Variants in MTDH observed in about 807,000 individuals in gnomAD.
The protein encoded by MTDH is metadherin, also known as protein LYRIC.
A neutral mutation model predicts 72.7 loss-of-function variants in MTDH; 34 were observed. The observed-to-expected ratio is 0.47, with a 90% CI of 0.36 to 0.62. MTDH has a LOEUF of 0.62. Among genes scored for constraint, MTDH ranks in the 20% least tolerant of loss-of-function variants. The probability of loss-of-function intolerance (pLI) is 0.00; values close to 1 mark genes in which losing one functional copy is unlikely to be tolerated. For missense variants in MTDH, 677 were observed against 699.4 expected (o/e 0.97, Z 0.36); for synonymous variants, 266 against 268.9 (o/e 0.99, Z 0.10).
intron 7 of MTDH, among the ~76,000 whole-genome samples, chr8:97,706,006 G>A (rs1413842484): frequency 6.6e-6 from 1 of 152,178 alleles, no homozygotes; most frequent in Non-Finnish European, 1.5e-5. Flanking sequence ...TTGAAGCCCT[G>A]AAAGTTATTC....
At chr8:97,691,418 T>C (rs1813603933) in intron 6 of MTDH, among the ~76,000 whole-genome samples, 1 of 152,202 alleles carries the variant, frequency 6.6e-6, no homozygotes, top group South Asian at 2.1e-4. Context: ...TTTATCACAT[T>C]TGATTATCAA....
chr8:97,681,406 G>A (rs570961763), intron 2 of MTDH, among the ~76,000 whole-genome samples: 4 of 151,414 alleles, frequency 2.6e-5, no homozygotes, highest in East Asian at 3.9e-4. Flanking sequence ...TATCTGCAGC[G>A]GTTTTTTTTT....
intron 7 of MTDH, among the ~76,000 whole-genome samples, chr8:97,703,441 A>C (rs558050857): frequency 6.6e-6 from 1 of 152,340 alleles, no homozygotes; most frequent in African/African-American, 2.4e-5. Context: ...AATGGGTGAC[A>C]TGTTGGTATA....
chr8:97,685,216 G>A (rs1020031270), intron 2 of MTDH, among the ~76,000 whole-genome samples: 1 of 151,660 alleles, frequency 6.6e-6, no homozygotes, highest in South Asian at 2.1e-4. Context: ...GTCTAGTTTA[G>A]TACATGTAAT....
chr8:97,667,831 T>TAAAAAA (rs542822923), intron 2 of MTDH, among the ~76,000 whole-genome samples: 1 of 116,310 alleles, frequency 8.6e-6, no homozygotes. Context: ...GTCTCTATAT[T>TAAAAAA]AAAAAAAAAA....
Position 97,728,041 on chromosome 8 carries a change from TAC to T in MTDH, c.*3373_*3374del, listed in dbSNP as rs1815424418. ...ATTAAAGATACTGGAGGGCAATATTTACAGAGTTTAGTTTTTCTTAATTAAAA... is the reference window on the plus strand; with the variant it reads ...ATTAAAGATACTGGAGGGCAATATTTAGAGTTTAGTTTTTCTTAATTAAAA... On this transcript the variant is annotated 3_prime_UTR_variant, in exon 12 of 12. Coordinates refer to ENST00000336273, the MANE Select transcript of MTDH (RefSeq NM_178812.4). The T allele has an allele frequency of 6.6e-6, 1 of 152,172 alleles. No individual in the cohort carries two copies. The highest frequency in any genetic ancestry group is 2.4e-5 in the African/African-American group (1 of 41,442). 9.4% of individuals were successfully genotyped at this position (152,172 alleles called of 1,614,324 possible).
In MTDH at chr8:97,697,148, A is replaced by ATTTTTTTT. The variant is rs1324445962; in HGVS notation, c.1049-2605_1049-2604insTTTTTTTT. On this transcript the variant is annotated intron_variant, in intron 6 of 11. Transcript: ENST00000336273. ...AAAAAAAATATATATATATATATAT[A>ATTTTTTTT]TATTTTTTTTTTGTGGACCCAGTTT... 2.6e-4 allele frequency among the ~76,000 whole-genome samples: 18 copies of ATTTTTTTT among 68,478 alleles called. No individual in the cohort carries two copies. In the East Asian group the frequency reaches 8.8e-3, roughly 34 times the overall value. The allele number at this position is 68,478 out of a possible 152,430, so 44.9% of individuals were successfully genotyped here. A position where few individuals can be genotyped will look rare whatever the true frequency, so the allele number is the denominator to read the frequency against.
At chr8:97,651,336 A>G (rs1205620091) in intron 1 of MTDH, among the ~76,000 whole-genome samples, 2 of 152,220 alleles carry the variant, frequency 1.3e-5, no homozygotes, top group African/African-American at 4.8e-5. Context: ...TTTTCTTTGT[A>G]AGGTATATCA....
At position 97,699,758 on chromosome 8, in the gene MTDH, T is replaced by A; in HGVS notation, c.1053T>A (p.Ser351=). The change falls in exon 7 of 12, where the codon TCT becomes TCA. Residue 351 remains serine, a synonymous_variant. Coordinates refer to ENST00000336273, the MANE Select transcript of MTDH (RefSeq NM_178812.4). ...SDRSIFSGIG[S]TAEPVSQSTT... Reference sequence around the variant, plus strand: ...TGCATTCGTTTTTCATTTAAGGGTCTACTGCTGAGCCAGTTTCTCAGTCTA... The same window carrying A: ...TGCATTCGTTTTTCATTTAAGGGTCAACTGCTGAGCCAGTTTCTCAGTCTA... 1 of 1,604,938 alleles carries A rather than the reference T, an allele frequency of 6.2e-7. No individual in the cohort carries two copies. The highest frequency in any genetic ancestry group is 2.2e-5 in the East Asian group (1 of 44,734).
chr8:97,696,820 T>C (rs554058842), intron 6 of MTDH, among the ~76,000 whole-genome samples: 1 of 152,040 alleles, frequency 6.6e-6, no homozygotes, highest in African/African-American at 2.4e-5. Flanking sequence ...TTAACAAATA[T>C]TACATAAATA....
intron 7 of MTDH, among the ~76,000 whole-genome samples, chr8:97,700,372 C>A (rs2131033277): frequency 6.6e-6 from 1 of 151,700 alleles, no homozygotes. Context: ...AAACCTAAAT[C>A]TCAAAATGTA....
chr8:97,687,465 G>T lies in MTDH; in HGVS notation c.605G>T (p.Arg202Leu). The T allele has an allele frequency of 6.2e-7, 1 of 1,605,376 alleles. No homozygotes were observed. The highest frequency in any genetic ancestry group is 1.1e-5 in the South Asian group (1 of 89,560). The change falls in exon 4 of 12, where the codon CGA becomes CTA. Residue 202 changes from arginine to leucine, a missense_variant. Around this residue, in one of 3 missense-constraint regions of MTDH, gnomAD observed 467 missense variants for 469.1 expected, o/e 1.00. Coordinates refer to ENST00000336273, the MANE Select transcript of MTDH (RefSeq NM_178812.4). ...ACTAAAATTAGTCACAGAGAGAAAC[G>T]ACAGCAGCGTAAACGTGATAAGGTG... ...WETKISHREK[R>L]QQRKRDKVLT...
chr8:97,708,470 C>T (rs1322726131), intron 8 of MTDH, among the ~76,000 whole-genome samples: 4 of 126,156 alleles, frequency 3.2e-5, no homozygotes, highest in Admixed American at 8.4e-5. Context: ...TTAGTAGAGA[C>T]GGGTTTTTGC....
At chr8:97,694,903 A>G (rs1813766646) in intron 6 of MTDH, among the ~76,000 whole-genome samples, 1 of 152,064 alleles carries the variant, frequency 6.6e-6, no homozygotes, top group Non-Finnish European at 1.5e-5. Flanking sequence ...AGCCTTGGCA[A>G]CAGAGCGAGA....
At chr8:97,717,786 G>A (rs946614349) in intron 9 of MTDH, among the ~76,000 whole-genome samples, 6 of 152,132 alleles carry the variant, frequency 3.9e-5, no homozygotes, top group Non-Finnish European at 8.8e-5. Flanking sequence ...GTCTCACTCT[G>A]TCACCCAGGC....
rs1399303390 is a variant in MTDH, at chr8:97,729,944, T to C, written c.*5274T>C. On this transcript the variant is annotated 3_prime_UTR_variant, in exon 12 of 12. Coordinates refer to ENST00000336273, the MANE Select transcript of MTDH (RefSeq NM_178812.4). ...AAGAGAATCACCCTGGTATATAATA[T>C]TTTAAAACATGAAAAAGGCATTACT... is the stretch of plus-strand genomic sequence containing the variant. 6.6e-6 allele frequency among the ~76,000 whole-genome samples: 1 copy of C among 152,220 alleles called. No homozygotes were observed.
At chr8:97,696,512 G>C (rs1813838250) in intron 6 of MTDH, among the ~76,000 whole-genome samples, 1 of 152,196 alleles carries the variant, frequency 6.6e-6, no homozygotes, top group African/African-American at 2.4e-5. Context: ...TGTAGCTTGA[G>C]ATCACTGACA....
chr8:97,710,249 T>C (rs1325456427), intron 8 of MTDH, among the ~76,000 whole-genome samples: 1 of 152,194 alleles, frequency 6.6e-6, no homozygotes, highest in African/African-American at 2.4e-5. Flanking sequence ...TTATAATGAC[T>C]ATAGTGCTGA....
At chr8:97,705,844 T>C (rs1248780115) in intron 7 of MTDH, among the ~76,000 whole-genome samples, 8 of 152,212 alleles carry the variant, frequency 5.3e-5, no homozygotes, top group Admixed American at 5.2e-4. Flanking sequence ...GAGAGCTACT[T>C]ATTTAATCTG....
Sources: allele counts gnomAD v4.1 joint callset (sites outside exome capture counted in the v4.1 genomes callset), GRCh38; gene constraint gnomAD v4.1.1; regional missense constraint gnomAD v4.1.1; transcripts MANE v1.5; gene names NCBI Gene and HGNC (gene_info 2026-07-23, HGNC 2026-07-21).